PHIP: variants seen among roughly 807,000 people sequenced by gnomAD.
The protein encoded by PHIP is PHIP subunit of CUL4-Ring ligase complex.
Under a neutral mutation model 236.8 loss-of-function variants are expected in PHIP, and 54 were observed. The ratio of observed to expected loss-of-function variants is 0.23; its 90% confidence interval spans 0.18 to 0.29. The LOEUF (loss-of-function observed/expected upper bound fraction) is 0.29, where lower values mean the gene tolerates loss of function less well. PHIP is among the 10% of genes least tolerant of loss of function. The pLI, the probability that PHIP is intolerant of heterozygous loss-of-function variation, is 1.00. For missense variants in PHIP, 1,370 were observed against 2,190.8 expected, an observed-to-expected ratio of 0.63 and a Z score of 7.48; for synonymous variants, 756 against 718.9, an observed-to-expected ratio of 1.05 and a Z score of -0.83.
In PHIP at chr6:78,945,470, T is replaced by C. The variant is rs1310978318; in HGVS notation, c.4658A>G (p.Lys1553Arg). 1.2e-6 allele frequency: 2 copies of C among 1,609,430 alleles called. No homozygotes were observed. The highest frequency in any genetic ancestry group is 2.7e-5 in the African/African-American group (2 of 74,826). ...AGGACTGGAAAGAGTATTCAAAGCT[T>C]TGGAATGTTTCACAGAATTCTCTAG... ...TILENSVKHS[K>R]ALNTLSSPGQ... Residue 1553 changes from lysine to arginine, a missense_variant, in exon 39 of 40, where the codon AAA (lysine) becomes AGA (arginine). Physicochemically the swap from Lys to Arg is conservative, Grantham distance 26. Around this residue, in one of 14 missense-constraint regions of PHIP, gnomAD observed 309 missense variants for 328.3 expected, o/e 0.94. Transcript: ENST00000275034.
At chr6:78,984,974 T>A (rs1418353168) in intron 22 of PHIP, among the ~76,000 whole-genome samples, 1 of 152,212 alleles carries the variant, frequency 6.6e-6, no homozygotes, top group Non-Finnish European at 1.5e-5. Flanking sequence ...GGAGAGCTTA[T>A]TCCTCTTATC....
intron 6 of PHIP, among the ~76,000 whole-genome samples, chr6:79,050,956 A>C (rs771193400): frequency 6.6e-6 from 1 of 152,202 alleles, no homozygotes; most frequent in Non-Finnish European, 1.5e-5. Context: ...CTTTGTTGTA[A>C]GATTTGTTTG....
chr6:79,042,788 C>T, intron 7 of PHIP, 55 bp downstream of exon 7: 1 of 1,283,242 alleles, frequency 7.8e-7, no homozygotes, highest in South Asian at 1.6e-5. Context: ...CACCTATAAG[C>T]AATATTTCCT....
intron 35 of PHIP, among the ~76,000 whole-genome samples, chr6:78,948,552 T>C (rs1773959672): frequency 6.6e-6 from 1 of 152,128 alleles, no homozygotes; most frequent in African/African-American, 2.4e-5. Flanking sequence ...AGAGTGCAGT[T>C]GGTGCCATCA....
At chr6:78,999,325 C>G (rs1028543082) in intron 17 of PHIP, among the ~76,000 whole-genome samples, 32 of 152,156 alleles carry the variant, frequency 2.1e-4, no homozygotes, top group Non-Finnish European at 2.4e-4. Flanking sequence ...ACTTACCATT[C>G]CAGCACCAAC....
chr6:78,940,419 GAATGA>G lies in PHIP; in HGVS notation c.*269_*273del, dbSNP rs377087618. 1.6e-4 allele frequency: 25 copies of G among 153,682 alleles called. No individual in the cohort carries two copies. In the East Asian group the frequency reaches 4.2e-3, roughly 26 times the overall value. The allele number at this position is 153,682 out of a possible 1,614,324, so 9.5% of individuals were successfully genotyped here. A position where few individuals can be genotyped will look rare whatever the true frequency, so the allele number is the denominator to read the frequency against. On this transcript the variant is annotated 3_prime_UTR_variant, in exon 40 of 40. Transcript: ENST00000275034. ...ATCAATTTCTTTCGTTTCAAACAGT[GAATGA>G]AATGAATGTGAAAATGCATAACCTA...
chr6:78,958,504 G>A lies in PHIP; in HGVS notation c.3753C>T (p.Phe1251=), dbSNP rs199754926. The change falls in exon 32 of 40, where the codon TTC becomes TTT. Residue 1251 remains phenylalanine (F), a synonymous_variant. Coordinates refer to ENST00000275034, the MANE Select transcript of PHIP (RefSeq NM_017934.7). ...TAAAATGTAGAAGAAGATCAGTCACGAATTTAGCAGATTTCACAATAGGGC... is the reference window on the plus strand; with the variant it reads ...TAAAATGTAGAAGAAGATCAGTCACAAATTTAGCAGATTTCACAATAGGGC... The part of the protein sequence containing the change: ...PGSPIVKSAK[F]VTDLLLHFIK... 47 of 1,552,782 alleles carry A rather than the reference G, an allele frequency of 3.0e-5. No individual in the cohort carries two copies. The highest frequency in any genetic ancestry group is 3.9e-5 in the Non-Finnish European group (44 of 1,125,490).
intron 24 of PHIP, among the ~76,000 whole-genome samples, chr6:78,973,150 G>T (rs138140096): frequency 0.11 from 16,101 of 152,090 alleles, 881 homozygotes; most frequent in Middle Eastern, 0.19. Context: ...ACGCTCAAAG[G>T]GAAGCCCATT....
intron 23 of PHIP, among the ~76,000 whole-genome samples, chr6:78,978,998 A>C (rs1002483175): frequency 3.3e-5 from 5 of 152,136 alleles, no homozygotes; most frequent in Non-Finnish European, 5.9e-5. Flanking sequence ...AATGATGTGT[A>C]GGCACTGTAG....
rs562602299 is a variant in PHIP at position 78,972,449 on chromosome 6, G to A, written c.2890-1561C>T. Among the ~76,000 whole-genome samples, 7 of 152,254 alleles carry A rather than the reference G, an allele frequency of 4.6e-5. No homozygotes were observed. In the East Asian group the frequency reaches 1.4e-3, roughly 29 times the overall value. On this transcript the variant is annotated intron_variant, in intron 24 of 39. Transcript: ENST00000275034. ...GGGAAAAAACAGAACAGAAAAACTG[G>A]AAACTCTAAAAATCAGAGCACCTCT...
intron 35 of PHIP, among the ~76,000 whole-genome samples, chr6:78,950,691 C>T (rs980960115): frequency 1.3e-5 from 2 of 151,840 alleles, no homozygotes; most frequent in Non-Finnish European, 2.9e-5. Context: ...CAGTGATATG[C>T]TCTATATCAT....
At chr6:79,063,512 G>A (rs756880558) in intron 4 of PHIP, among the ~76,000 whole-genome samples, 27 of 152,096 alleles carry the variant, frequency 1.8e-4, no homozygotes, top group African/African-American at 3.4e-4. Flanking sequence ...CGCCTCCCAG[G>A]TTCAAGTGAT....
In PHIP at chr6:78,938,881, T is replaced by C. The variant is rs987551694; in HGVS notation, c.*1812A>G. ...TTTTTCATTCTTCACGACAGTTAAATGACAGCTAATATTTATCCTTATCAG... is the reference window on the plus strand; with the variant it reads ...TTTTTCATTCTTCACGACAGTTAAACGACAGCTAATATTTATCCTTATCAG... On this transcript the variant is annotated 3_prime_UTR_variant, in exon 40 of 40. Coordinates refer to ENST00000275034, the MANE Select transcript of PHIP (RefSeq NM_017934.7). 4.0e-5 allele frequency: 6 copies of C among 151,682 alleles called. No individual in the cohort carries two copies. The highest frequency in any genetic ancestry group is 1.4e-4 in the African/African-American group (6 of 41,422). 9.4% of individuals were successfully genotyped at this position (151,682 alleles called of 1,614,324 possible). A position where few individuals can be genotyped will look rare whatever the true frequency, so the allele number is the denominator to read the frequency against.
At chr6:79,025,149 G>C (rs898071123) in intron 9 of PHIP, among the ~76,000 whole-genome samples, 1 of 152,070 alleles carries the variant, frequency 6.6e-6, no homozygotes, top group South Asian at 2.1e-4. Flanking sequence ...AGATTCAGTA[G>C]CATCAATAAT....
chr6:79,005,221 C>T (rs952776192), intron 15 of PHIP, among the ~76,000 whole-genome samples: 5 of 151,756 alleles, frequency 3.3e-5, no homozygotes, highest in African/African-American at 9.7e-5. Flanking sequence ...GATTATATCT[C>T]GAGTGTGAAG....
intron 6 of PHIP, among the ~76,000 whole-genome samples, chr6:79,046,801 C>T (rs1287111850): frequency 4.6e-5 from 7 of 151,568 alleles, no homozygotes; most frequent in East Asian, 1.9e-4. Flanking sequence ...GCTTGAACCC[C>T]GGAGACGGAG....
Position 79,016,655 on chromosome 6 carries a change from G to GC in PHIP, c.1137-14_1137-13insG, listed in dbSNP as rs1770844717. 1.3e-6 allele frequency: 2 copies of GC among 1,525,044 alleles called. No individual in the cohort carries two copies. The highest frequency in any genetic ancestry group is 2.8e-5 in the African/African-American group (2 of 72,316). The allele number at this position is 1,525,044 out of a possible 1,614,324, so 94.5% of individuals were successfully genotyped here. On this transcript the variant is annotated splice_polypyrimidine_tract_variant and intron_variant, in intron 12 of 39. Coordinates refer to ENST00000275034, the MANE Select transcript of PHIP (RefSeq NM_017934.7). ...GCCACTTACAAACCTGTATTAAAAG[G>GC]AATCCGATCCCCCAAAGAAAAATCA...
chr6:79,051,765 C>T (rs1390889482), intron 6 of PHIP, among the ~76,000 whole-genome samples: 3 of 152,128 alleles, frequency 2.0e-5, no homozygotes, highest in African/African-American at 7.2e-5. Context: ...ATTTAATCTT[C>T]CTCCTATTTT....
intron 13 of PHIP, among the ~76,000 whole-genome samples, chr6:79,016,163 A>T (rs1387377208): frequency 6.6e-6 from 1 of 151,948 alleles, no homozygotes; most frequent in Non-Finnish European, 1.5e-5. Context: ...AGTGGAGAAA[A>T]ATATTAAAAC....
Sources: allele counts gnomAD v4.1 joint callset (sites outside exome capture counted in the v4.1 genomes callset), GRCh38; gene constraint gnomAD v4.1.1; regional missense constraint gnomAD v4.1.1; transcripts MANE v1.5; gene names NCBI Gene and HGNC (gene_info 2026-07-23, HGNC 2026-07-21).